The following NTRK2 variants were observed in gnomAD, a reference collection of about 807,000 sequenced individuals.
NTRK2 encodes neurotrophic receptor tyrosine kinase 2.
A neutral mutation model predicts 94.5 loss-of-function variants in NTRK2; 13 were observed. That is an observed-to-expected ratio of 0.14 (90% CI 0.09 to 0.22). The LOEUF is 0.22. Among genes scored for constraint, NTRK2 ranks in the 10% least tolerant of loss-of-function variants. NTRK2 has a pLI of 1.00. For synonymous variants in NTRK2, 372 were observed against 407.4 expected (o/e 0.91, Z 1.05); for missense variants, 639 against 1,071.2 (o/e 0.60, Z 5.63).
chr9:84,980,284 T>C (rs567366111), intron 17 of NTRK2, among the ~76,000 whole-genome samples: 213 of 152,352 alleles, frequency 1.4e-3, no homozygotes, highest in Non-Finnish European at 2.2e-3. Flanking sequence ...GACTTTTAGA[T>C]TTTTTCTGTT....
intron 12 of NTRK2, among the ~76,000 whole-genome samples, chr9:84,847,971 T>A (rs1319385241): frequency 6.6e-6 from 1 of 152,160 alleles, no homozygotes; most frequent in Admixed American, 6.5e-5. Flanking sequence ...ATGATCAAGA[T>A]GCTGGTTAGT....
chr9:84,911,376 G>T (rs560837457), intron 14 of NTRK2, among the ~76,000 whole-genome samples: 5 of 152,186 alleles, frequency 3.3e-5, no homozygotes, highest in Admixed American at 1.3e-4. Flanking sequence ...TAAATGTTTG[G>T]TAGAATTCTC....
intron 14 of NTRK2, chr9:84,872,469 T>A: frequency 9.3e-7 from 1 of 1,072,242 alleles, no homozygotes. Context: ...GCTAGGGTCC[T>A]AGGGTTGAGG....
intron 12 of NTRK2, chr9:84,810,915 GC>G: frequency 5.0e-6 from 6 of 1,191,286 alleles, no homozygotes; most frequent in East Asian, 3.6e-5. Context: ...TGAAAAGTGT[GC>G]TTTTTGACCC....
intron 2 of NTRK2, among the ~76,000 whole-genome samples, chr9:84,695,640 C>T (rs912169396): frequency 6.6e-6 from 1 of 152,212 alleles, no homozygotes; most frequent in Non-Finnish European, 1.5e-5. Context: ...ATAGCATGTA[C>T]TGTGTTTATG....
chr9:84,812,679 T>G (rs2071939074), intron 12 of NTRK2: 1 of 1,043,210 alleles, frequency 9.6e-7, no homozygotes, highest in Non-Finnish European at 1.2e-6. Flanking sequence ...AAAAAGATTT[T>G]TAAAGCTTTT....
chr9:84,870,332 T>TGC (rs2075808099), intron 14 of NTRK2, among the ~76,000 whole-genome samples: 1 of 8,962 alleles, frequency 1.1e-4, no homozygotes, highest in African/African-American at 2.7e-4. Context: ...TGTGTGTGTG[T>TGC]ATATATATAT....
chr9:84,756,986 G>A (rs1318100989), intron 12 of NTRK2, among the ~76,000 whole-genome samples: 1 of 152,190 alleles, frequency 6.6e-6, no homozygotes, highest in Non-Finnish European at 1.5e-5. Context: ...GAGGTTGAAG[G>A]TTAAAGCCTT....
chr9:84,836,934 G>GTATGA (rs544642841), intron 12 of NTRK2, among the ~76,000 whole-genome samples: 1 of 134,212 alleles, frequency 7.5e-6, no homozygotes, highest in East Asian at 2.2e-4. Context: ...TTGTCGTAGA[G>GTATGA]TATAATATAA....
intron 12 of NTRK2, among the ~76,000 whole-genome samples, chr9:84,819,911 G>A (rs966954713): frequency 6.6e-6 from 1 of 152,112 alleles, no homozygotes; most frequent in Non-Finnish European, 1.5e-5. Flanking sequence ...CTCTTCATTT[G>A]AACCATATGG....
intron 12 of NTRK2, among the ~76,000 whole-genome samples, chr9:84,772,316 A>G (rs113393364): frequency 0.02 from 3,027 of 152,108 alleles, 122 homozygotes; most frequent in African/African-American, 0.069. Context: ...CTGCAGTGGC[A>G]GGATCCCAGC....
intron 14 of NTRK2, among the ~76,000 whole-genome samples, chr9:84,868,431 C>G (rs1358162306): frequency 6.6e-6 from 1 of 152,122 alleles, no homozygotes; most frequent in Non-Finnish European, 1.5e-5. Flanking sequence ...ATATCTGTAA[C>G]TTCATCCTAT....
At chr9:84,915,932 A>T (rs956640832) in intron 14 of NTRK2, among the ~76,000 whole-genome samples, 1 of 152,110 alleles carries the variant, frequency 6.6e-6, no homozygotes, top group Non-Finnish European at 1.5e-5. Context: ...AGAGATGATT[A>T]TGAAGGAGGC....
intron 14 of NTRK2, among the ~76,000 whole-genome samples, chr9:84,895,929 A>G (rs1487239585): frequency 6.6e-6 from 1 of 152,256 alleles, no homozygotes; most frequent in African/African-American, 2.4e-5. Flanking sequence ...CCTCCATATT[A>G]TTCACTTGCA....
chr9:84,724,103 A>G, intron 7 of NTRK2, 121 bp from the exon 8 acceptor site: 4 of 1,042,728 alleles, frequency 3.8e-6, no homozygotes, highest in Non-Finnish European at 2.9e-6. Context: ...CAGTTCAGGC[A>G]GAGAAGCTTT....
At chr9:84,984,804 T>C (rs1828098000) in intron 17 of NTRK2, among the ~76,000 whole-genome samples, 1 of 152,252 alleles carries the variant, frequency 6.6e-6, no homozygotes, top group Non-Finnish European at 1.5e-5. Context: ...GCCGCTAATG[T>C]ACTGTGTTGC....
At chr9:84,940,259 T>C (rs74362702) in intron 15 of NTRK2, among the ~76,000 whole-genome samples, 1,969 of 152,190 alleles carry the variant, frequency 0.013, 37 homozygotes, top group African/African-American at 0.045. Context: ...CCAACTCAAA[T>C]AGGAATTGCA....
At chr9:84,942,988 C>G (rs2078464299) in intron 15 of NTRK2, among the ~76,000 whole-genome samples, 1 of 152,164 alleles carries the variant, frequency 6.6e-6, no homozygotes, top group African/African-American at 2.4e-5. Flanking sequence ...TCTTGGTTGA[C>G]TGGTTTGGGA....
intron 17 of NTRK2, among the ~76,000 whole-genome samples, chr9:84,990,167 G>T (rs1322827468): frequency 7.8e-6 from 1 of 128,828 alleles, no homozygotes; most frequent in Admixed American, 7.9e-5. Context: ...TCTCTCAAAG[G>T]CCAGGCGGAT....
Sources: allele counts gnomAD v4.1 joint callset (sites outside exome capture counted in the v4.1 genomes callset), GRCh38; gene constraint gnomAD v4.1.1; transcripts MANE v1.5; gene names NCBI Gene and HGNC (gene_info 2026-07-23, HGNC 2026-07-21).